KSR2: variants seen among roughly 807,000 people sequenced by gnomAD.
KSR2 encodes kinase suppressor of ras 2.
Under a neutral mutation model 107.8 loss-of-function variants are expected in KSR2, and 25 were observed. The observed-to-expected ratio is 0.23, with a 90% CI of 0.17 to 0.32. KSR2 has a LOEUF of 0.32. KSR2 is among the 10% of genes least tolerant of loss of function. KSR2 has a pLI of 1.00. For missense variants in KSR2, 887 were observed against 1,268.9 expected (o/e 0.70, Z 4.57); for synonymous variants, 480 against 507.0 (o/e 0.95, Z 0.71).
chr12:117,531,753 A>T, intron 10 of KSR2, 46 bp from the exon 11 acceptor site: 1 of 1,501,690 alleles, frequency 6.7e-7, no homozygotes, highest in Non-Finnish European at 9.1e-7. Context: ...CCAGGGAGAC[A>T]TCGCTTCAGG....
chr12:117,866,531 A>G (rs1431718532), intron 1 of KSR2, among the ~76,000 whole-genome samples: 1 of 152,252 alleles, frequency 6.6e-6, no homozygotes, highest in Non-Finnish European at 1.5e-5. Context: ...ATGTATGTTA[A>G]AAAATTGAGT....
chr12:117,884,234 C>G (rs1894109531), intron 1 of KSR2, among the ~76,000 whole-genome samples: 1 of 152,154 alleles, frequency 6.6e-6, no homozygotes, highest in African/African-American at 2.4e-5. Flanking sequence ...GATAGTGCCC[C>G]TCCTGCAGAT....
At chr12:117,959,059 A>G (rs1266348244) in intron 1 of KSR2, among the ~76,000 whole-genome samples, 1 of 152,222 alleles carries the variant, frequency 6.6e-6, no homozygotes, top group Non-Finnish European at 1.5e-5. Flanking sequence ...CCTGGATTTG[A>G]TTATTATACA....
chr12:117,696,139 A>G (rs768481886), intron 4 of KSR2, among the ~76,000 whole-genome samples: 1 of 152,158 alleles, frequency 6.6e-6, no homozygotes, highest in Non-Finnish European at 1.5e-5. Flanking sequence ...GTTTATGACC[A>G]TTAGCAAAGG....
intron 4 of KSR2, among the ~76,000 whole-genome samples, chr12:117,683,726 G>A (rs1417959399): frequency 3.3e-5 from 5 of 152,136 alleles, no homozygotes; most frequent in African/African-American, 1.2e-4. Context: ...TGTCCACTAA[G>A]ACACACTTCA....
chr12:117,873,330 C>T (rs1167489659), intron 1 of KSR2, among the ~76,000 whole-genome samples: 25 of 135,420 alleles, frequency 1.8e-4, no homozygotes, highest in Non-Finnish European at 2.7e-4. Context: ...GGCACCAGAG[C>T]GAGATTCTGT....
chr12:117,893,942 C>CTCTG (rs2137367461), intron 1 of KSR2, among the ~76,000 whole-genome samples: 1 of 144,812 alleles, frequency 6.9e-6, no homozygotes, highest in African/African-American at 2.6e-5. Flanking sequence ...CGGAGTCTCG[C>CTCTG]TCTGTCGCCC....
intron 4 of KSR2, 21 bp from the exon 5 acceptor site, chr12:117,667,679 G>T (rs778157579): frequency 1.9e-6 from 3 of 1,541,998 alleles, no homozygotes; most frequent in Non-Finnish European, 2.6e-6. Context: ...GACAGAAAAA[G>T]AGGAAAAGGA....
chr12:117,488,047 T>C (rs1020368282), intron 14 of KSR2, among the ~76,000 whole-genome samples: 3 of 152,146 alleles, frequency 2.0e-5, no homozygotes, highest in Non-Finnish European at 4.4e-5. Flanking sequence ...GTTCTCCTGG[T>C]ATTGAATAAG....
intron 1 of KSR2, among the ~76,000 whole-genome samples, chr12:117,861,980 C>G (rs555691201): frequency 1.3e-5 from 2 of 151,936 alleles, no homozygotes. Flanking sequence ...AAACTCCAGG[C>G]TTCTAACTTG....
chr12:117,876,282 T>A (rs1893847334), intron 1 of KSR2, among the ~76,000 whole-genome samples: 1 of 152,192 alleles, frequency 6.6e-6, no homozygotes, highest in South Asian at 2.1e-4. Flanking sequence ...CCAATTTGCA[T>A]CCACAAGAAA....
intron 1 of KSR2, among the ~76,000 whole-genome samples, chr12:117,925,150 G>T (rs1320962064): frequency 1.3e-5 from 2 of 150,962 alleles, no homozygotes; most frequent in Admixed American, 1.3e-4. Context: ...TTCAGACAGG[G>T]TCTCACTCTG....
chr12:117,944,099 C>T (rs537017243), intron 1 of KSR2, among the ~76,000 whole-genome samples: 33 of 152,236 alleles, frequency 2.2e-4, no homozygotes, highest in South Asian at 1.0e-3. Flanking sequence ...AGTCTTGGCC[C>T]GGAGCGGTGG....
rs114187263 is a variant in KSR2, at chr12:117,590,437, C to T, written c.1172-8078G>A. Among the ~76,000 whole-genome samples, 1,284 of 152,200 alleles carry T rather than the reference C, an allele frequency of 8.4e-3. 23 individuals carry two copies. Among genetic ancestry groups the T allele is most frequent in the African/African-American group, 0.028 (1,180 of 41,526 alleles). On this transcript the variant is annotated intron_variant, in intron 5 of 19. Coordinates refer to ENST00000339824, the MANE Select transcript of KSR2 (RefSeq NM_173598.6). ...TTGGTACTCTTACTTTTCTGAGGCT[C>T]GGTTTCTCCTATAAAAAAAGTGGTC...
At chr12:117,769,981 G>T (rs1889378114) in intron 3 of KSR2, among the ~76,000 whole-genome samples, 1 of 151,766 alleles carries the variant, frequency 6.6e-6, no homozygotes, top group Admixed American at 6.6e-5. Context: ...TTTAACCTGG[G>T]AAGGTGAGGT....
chr12:117,562,770 C>T (rs890877423), intron 7 of KSR2, among the ~76,000 whole-genome samples: 4 of 151,986 alleles, frequency 2.6e-5, no homozygotes, highest in Non-Finnish European at 4.4e-5. Flanking sequence ...GACCTCTGTC[C>T]CAGGAGTGGG....
intron 3 of KSR2, among the ~76,000 whole-genome samples, chr12:117,763,666 A>C (rs75361780): frequency 0.017 from 2,576 of 152,290 alleles, 67 homozygotes; most frequent in African/African-American, 0.059. Context: ...TCTGTGGGCT[A>C]AGGTGCAGAT....
chr12:117,842,361 G>A lies in KSR2; in HGVS notation c.472+13067C>T, dbSNP rs1892523959. Among the ~76,000 whole-genome samples the A allele has an allele frequency of 6.6e-6, 1 of 152,218 alleles. No individual in the cohort carries two copies. On this transcript the variant is annotated intron_variant, in intron 3 of 19. Transcript: ENST00000339824. This position sits in a 1 kb window ranked among gnomAD's most constrained non-coding sequence, Gnocchi z 4.2. ...GGAAGATTGAGGCAGGGTATTCCAG[G>A]CAGAAAGAAGGGCTGTGCAAAGGCC...
chr12:117,793,334 CAT>C (rs1389326927), intron 3 of KSR2, among the ~76,000 whole-genome samples: 2 of 143,576 alleles, frequency 1.4e-5, no homozygotes, highest in Non-Finnish European at 3.0e-5. Context: ...AACATGCACA[CAT>C]ACACACCAGC....
Sources: allele counts gnomAD v4.1 joint callset (sites outside exome capture counted in the v4.1 genomes callset), GRCh38; gene constraint gnomAD v4.1.1; non-coding constraint Gnocchi (gnomAD v3.1); transcripts MANE v1.5; gene names NCBI Gene and HGNC (gene_info 2026-07-23, HGNC 2026-07-21).